The following DCP1A variants were observed in gnomAD, a reference collection of about 807,000 sequenced individuals.
The protein encoded by DCP1A is decapping mRNA 1A.
DCP1A carries 20 observed loss-of-function variants against 58.0 expected under a neutral mutation model. The observed-to-expected ratio is 0.34, with a 90% CI of 0.24 to 0.50. The LOEUF (loss-of-function observed/expected upper bound fraction) is 0.50, where lower values mean the gene tolerates loss of function less well. Ranked by LOEUF, DCP1A falls within the 20% of genes least tolerant of loss-of-function variation. DCP1A has a pLI of 0.98. For synonymous variants in DCP1A, 285 were observed against 275.1 expected (o/e 1.04, Z -0.36); for missense variants, 613 against 712.2 (o/e 0.86, Z 1.59).
chr3:53,311,998 T>G (rs1157742237), intron 5 of DCP1A, among the ~76,000 whole-genome samples: 1 of 151,690 alleles, frequency 6.6e-6, no homozygotes, highest in Non-Finnish European at 1.5e-5. Context: ...TTGCCCAGAC[T>G]AGAGTGGAGT....
At chr3:53,302,374 C>T (rs1428266141) in intron 6 of DCP1A, among the ~76,000 whole-genome samples, 1 of 152,074 alleles carries the variant, frequency 6.6e-6, no homozygotes, top group Non-Finnish European at 1.5e-5. Context: ...AGAACTAATT[C>T]AACAAATATT....
chr3:53,289,648 T>C (rs1234618848), intron 8 of DCP1A, among the ~76,000 whole-genome samples: 1 of 152,140 alleles, frequency 6.6e-6, no homozygotes, highest in Admixed American at 6.5e-5. Context: ...TTCAATCTAT[T>C]TTTTTATACT....
intron 8 of DCP1A, 160 bp downstream of exon 8, chr3:53,290,631 G>T: frequency 1.5e-6 from 1 of 681,960 alleles, no homozygotes; most frequent in South Asian, 1.7e-5. Context: ...TTCAGAAAGA[G>T]GGAGTCCTGG....
chr3:53,283,747 A>AAAGG lies in DCP1A; in HGVS notation c.*3832_*3833insCCTT, dbSNP rs1553684743. 1 of 152,264 alleles carries AAAGG rather than the reference A, an allele frequency of 6.6e-6. No individual in the cohort carries two copies. Among genetic ancestry groups the AAAGG allele is most frequent in the Non-Finnish European group, 1.5e-5 (1 of 68,044 alleles). 9.4% of individuals were successfully genotyped at this position (152,264 alleles called of 1,614,324 possible). On this transcript the variant is annotated 3_prime_UTR_variant, in exon 10 of 10. Transcript: ENST00000610213. ...AACCATTTAGAACACATATTTTAAA[A>AAAGG]ACATGTTTCTTAAGGAATCACACAG... is the stretch of plus-strand genomic sequence containing the variant.
chr3:53,304,751 T>TC (rs1707418644), intron 5 of DCP1A, among the ~76,000 whole-genome samples: 1 of 151,680 alleles, frequency 6.6e-6, no homozygotes, highest in South Asian at 2.1e-4. Flanking sequence ...TTTTCTTTTT[T>TC]TTTTTGTATT....
At chr3:53,297,481 G>A (rs1158218408) in intron 6 of DCP1A, among the ~76,000 whole-genome samples, 8 of 151,596 alleles carry the variant, frequency 5.3e-5, no homozygotes, top group Admixed American at 3.3e-4. Flanking sequence ...CTGCCTCAAC[G>A]TCCCAAGTAG....
At chr3:53,337,516 C>G (rs1185003505) in intron 3 of DCP1A, among the ~76,000 whole-genome samples, 1 of 152,210 alleles carries the variant, frequency 6.6e-6, no homozygotes, top group African/African-American at 2.4e-5. Context: ...TAGGTCAAAT[C>G]AGTGGTTTAA....
In DCP1A at chr3:53,344,935, G is replaced by C; in HGVS notation, c.143C>G (p.Thr48Ser). Residue 48 changes from threonine to serine, a missense_variant, in exon 2 of 10, where the codon ACT becomes AGT. By Grantham distance (58) the Thr-to-Ser change is moderately conservative. Around this residue, in one of 3 missense-constraint regions of DCP1A, gnomAD observed 65 missense variants for 118.5 expected, o/e 0.55. Coordinates refer to ENST00000610213, the MANE Select transcript of DCP1A (RefSeq NM_018403.7). The stretch of plus-strand genomic sequence containing the variant: ...TACGAATAAGGTCCCTTCTATATCA[G>C]TCTTCTCCTATGAAAGACAATGACT... ...FCPKANQWEK[T>S]DIEGTLFVYR... 1 of 1,603,458 alleles carries C rather than the reference G, an allele frequency of 6.2e-7. No homozygotes were observed. Among genetic ancestry groups the C allele is most frequent in the South Asian group, 1.1e-5 (1 of 89,434 alleles).
chr3:53,307,893 G>T (rs561085000), intron 5 of DCP1A, among the ~76,000 whole-genome samples: 31 of 152,246 alleles, frequency 2.0e-4, no homozygotes, highest in Non-Finnish European at 4.6e-4. Context: ...TTTATATAAT[G>T]CACATAAGGA....
rs371631184 is a variant in DCP1A, at chr3:53,296,532, CATAA to C, written c.625-3709_625-3706del. On this transcript the variant is annotated intron_variant, in intron 6 of 9. Transcript: ENST00000610213. ...TTAGTCACTTGTGAATTCATGGCATCATAAATGTCTACTGACAGCACAATAGACA... is the reference window on the plus strand; with the variant it reads ...TTAGTCACTTGTGAATTCATGGCATCATGTCTACTGACAGCACAATAGACA... Among the ~76,000 whole-genome samples the C allele has an allele frequency of 3.9e-4, 60 of 152,328 alleles. 2 individuals are homozygous for C. The East Asian group carries it at 0.012, about 29-fold the overall frequency.
intron 3 of DCP1A, among the ~76,000 whole-genome samples, chr3:53,334,102 A>C (rs1418768632): frequency 5.3e-5 from 8 of 151,998 alleles, no homozygotes; most frequent in African/African-American, 1.9e-4. Flanking sequence ...TCTCTACAAA[A>C]AATAAAAACG....
intron 3 of DCP1A, among the ~76,000 whole-genome samples, chr3:53,328,131 A>G (rs1049519447): frequency 5.9e-5 from 9 of 152,026 alleles, no homozygotes; most frequent in Non-Finnish European, 1.2e-4. Context: ...AGGAAAAAAA[A>G]AAAAGAAAAG....
intron 2 of DCP1A, among the ~76,000 whole-genome samples, chr3:53,342,756 T>C (rs1553692690): frequency 1.3e-5 from 2 of 152,238 alleles, no homozygotes; most frequent in Non-Finnish European, 2.9e-5. Context: ...TCAATATCTC[T>C]AACCTTCCTC....
chr3:53,312,495 C>CT (rs879948145), intron 4 of DCP1A, 116 bp from the exon 5 acceptor site: 81,395 of 524,058 alleles, frequency 0.16, 1,636 homozygotes, highest in Non-Finnish European at 0.17. Context: ...TGACATTCTT[C>CT]TTTTTTTTTT....
chr3:53,337,663 A>G (rs1483016111), intron 3 of DCP1A, among the ~76,000 whole-genome samples: 1 of 152,210 alleles, frequency 6.6e-6, no homozygotes, highest in Non-Finnish European at 1.5e-5. Context: ...TTGTATCTAG[A>G]AATCATTTGT....
chr3:53,314,879 C>G (rs1337906578), intron 4 of DCP1A, among the ~76,000 whole-genome samples: 1 of 151,870 alleles, frequency 6.6e-6, no homozygotes, highest in East Asian at 1.9e-4. Flanking sequence ...ACCATGTTGA[C>G]TAGGCTGGTC....
intron 3 of DCP1A, among the ~76,000 whole-genome samples, chr3:53,330,772 T>C (rs1405278533): frequency 6.6e-6 from 1 of 151,644 alleles, no homozygotes; most frequent in East Asian, 1.9e-4. Context: ...GTATCCGAGT[T>C]AATCACGTTG....
At chr3:53,326,987 C>T (rs879989589) in intron 3 of DCP1A, among the ~76,000 whole-genome samples, 5 of 150,858 alleles carry the variant, frequency 3.3e-5, no homozygotes, top group Admixed American at 6.6e-5. Context: ...CCCCCCCCCC[C>T]CAACTGGTAT....
At chr3:53,343,654 C>T (rs890081000) in intron 2 of DCP1A, among the ~76,000 whole-genome samples, 4 of 152,152 alleles carry the variant, frequency 2.6e-5, no homozygotes, top group African/African-American at 4.8e-5. Context: ...CTCTGTCACC[C>T]AGGCTGGAGT....
Sources: allele counts gnomAD v4.1 joint callset (sites outside exome capture counted in the v4.1 genomes callset), GRCh38; gene constraint gnomAD v4.1.1; regional missense constraint gnomAD v4.1.1; transcripts MANE v1.5; gene names NCBI Gene and HGNC (gene_info 2026-07-23, HGNC 2026-07-21).